The following MARCHF5 variants were observed in gnomAD, a reference collection of about 807,000 sequenced individuals.
MARCHF5 encodes the protein E3 ubiquitin-protein ligase MARCHF5.
A neutral mutation model predicts 36.5 loss-of-function variants in MARCHF5; 5 were observed. The ratio of observed to expected loss-of-function variants is 0.14; its 90% CI spans 0.07 to 0.29. The LOEUF is 0.29. Ranked by LOEUF, MARCHF5 falls within the 10% of genes least tolerant of loss-of-function variation. The probability of loss-of-function intolerance (pLI) is 1.00; values close to 1 mark genes in which losing one functional copy is unlikely to be tolerated. For synonymous variants in MARCHF5, 103 were observed against 109.9 expected (o/e 0.94, Z 0.39); for missense variants, 179 against 336.3 (o/e 0.53, Z 3.66).
rs980351111 is a variant in MARCHF5, at chr10:92,350,751, C to A, written c.721-340C>A. On this transcript the variant is annotated intron_variant, in intron 5 of 5. Transcript: ENST00000358935. ...AGTGGAATGCTGAGTTGGTCACGAT[C>A]CCTTTGGCCTTTCTTGCTCCCAACA... Among the ~76,000 whole-genome samples the A allele has an allele frequency of 2.0e-5, 3 of 152,138 alleles. No individual in the cohort carries two copies. The South Asian group carries it at 6.2e-4, about 32-fold the overall frequency.
chr10:92,294,477 G>C (rs1175930174), intron 1 of MARCHF5, among the ~76,000 whole-genome samples: 1 of 152,110 alleles, frequency 6.6e-6, no homozygotes, highest in African/African-American at 2.4e-5. Context: ...TGGCCCTACT[G>C]CAAGTTGAAC....
chr10:92,340,527 A>G, intron 2 of MARCHF5, 146 bp from the exon 3 acceptor site: 1 of 654,442 alleles, frequency 1.5e-6, no homozygotes, highest in Non-Finnish European at 2.4e-6. Flanking sequence ...AGCTATGATC[A>G]TGCCACTGCA....
chr10:92,342,068 G>T (rs1843586749), intron 3 of MARCHF5, among the ~76,000 whole-genome samples: 2 of 150,868 alleles, frequency 1.3e-5, no homozygotes, highest in Non-Finnish European at 3.0e-5. Context: ...CAAAGTGCTG[G>T]AGGTACGGGT....
intron 3 of MARCHF5, among the ~76,000 whole-genome samples, chr10:92,344,787 A>T (rs781287737): frequency 9.9e-5 from 15 of 152,120 alleles, no homozygotes; most frequent in Non-Finnish European, 1.9e-4. Context: ...AGTTGTGGGG[A>T]ACTTGAATAG....
At chr10:92,331,878 ATC>A in intron 2 of MARCHF5, among the ~76,000 whole-genome samples, 1 of 37,468 alleles carries the variant, frequency 2.7e-5, no homozygotes, top group African/African-American at 7.5e-5. Context: ...TTTATATATA[ATC>A]ATATATATGT....
chr10:92,334,146 C>T (rs1447419617), intron 2 of MARCHF5, among the ~76,000 whole-genome samples: 4 of 152,140 alleles, frequency 2.6e-5, no homozygotes, highest in African/African-American at 9.7e-5. Flanking sequence ...GCTGACATTG[C>T]GCCAGTGCAC....
intron 3 of MARCHF5, among the ~76,000 whole-genome samples, chr10:92,343,600 G>C (rs1283157625): frequency 6.6e-6 from 1 of 152,046 alleles, no homozygotes; most frequent in Admixed American, 6.6e-5. Context: ...ACAGAGTTTC[G>C]CTCTTGTTGT....
At chr10:92,331,221 T>C (rs896712490) in intron 2 of MARCHF5, among the ~76,000 whole-genome samples, 6 of 152,180 alleles carry the variant, frequency 3.9e-5, no homozygotes, top group African/African-American at 1.4e-4. Flanking sequence ...GTGACTTTTT[T>C]CAGCAAAGTT....
Position 92,291,437 on chromosome 10 carries a change from T to G in MARCHF5, c.-58T>G. ...CGCCGCCTCTCAGTGCTATTGTCCC[T>G]GGGCCTGGCCTTGAGCGGGTCCACT... On this transcript the variant is annotated 5_prime_UTR_variant, in exon 1 of 6. Transcript: ENST00000358935. 1 of 1,445,926 alleles carries G rather than the reference T, an allele frequency of 6.9e-7. No homozygotes were observed. The highest frequency in any genetic ancestry group is 2.5e-5 in the East Asian group (1 of 40,262). 89.6% of individuals were successfully genotyped at this position (1,445,926 alleles called of 1,614,324 possible).
rs1046995359 is a variant in MARCHF5 at position 92,349,265 on chromosome 10, A to G, written c.370-84A>G. The G allele has an allele frequency of 9.7e-6, 10 of 1,026,346 alleles. No homozygotes were observed. In the African/African-American group the frequency reaches 1.1e-4, roughly 12 times the overall value. The allele number at this position is 1,026,346 out of a possible 1,614,324, so 63.6% of individuals were successfully genotyped here. ...TCTGTGTATTCTTTTGAAATTAAGC[A>G]TTTTCTATTAAAAAAATAGAGCTTA... On this transcript the variant is annotated intron_variant, in intron 3 of 5. Transcript: ENST00000358935.
intron 1 of MARCHF5, among the ~76,000 whole-genome samples, chr10:92,300,656 A>G (rs1590645155): frequency 2.0e-5 from 3 of 152,304 alleles, no homozygotes; most frequent in African/African-American, 7.2e-5. Flanking sequence ...GAATAAGTGT[A>G]TAAGTACCCA....
At chr10:92,327,353 A>T (rs571662143) in intron 2 of MARCHF5, among the ~76,000 whole-genome samples, 51 of 143,022 alleles carry the variant, frequency 3.6e-4, no homozygotes, top group South Asian at 3.5e-3. Flanking sequence ...AGAGCTTTTT[A>T]AAAAAAAAAA....
intron 2 of MARCHF5, among the ~76,000 whole-genome samples, chr10:92,314,247 A>T (rs1490452402): frequency 2.0e-5 from 3 of 152,006 alleles, no homozygotes; most frequent in Non-Finnish European, 4.4e-5. Context: ...CTCTCAAATG[A>T]TATGTTCAAG....
chr10:92,291,648 G>C (rs915014363), intron 1 of MARCHF5, 119 bp downstream of exon 1: 55 of 1,391,474 alleles, frequency 4.0e-5, no homozygotes, highest in Non-Finnish European at 5.1e-5. Context: ...TCCACGGCCA[G>C]GGGGCCGTGA....
chr10:92,348,819 A>G (rs1688556648), intron 3 of MARCHF5, among the ~76,000 whole-genome samples: 1 of 152,172 alleles, frequency 6.6e-6, no homozygotes, highest in African/African-American at 2.4e-5. Context: ...TGTAGGGTAG[A>G]CACTTAGCCA....
chr10:92,296,874 C>T (rs192515030), intron 1 of MARCHF5, among the ~76,000 whole-genome samples: 5 of 152,308 alleles, frequency 3.3e-5, no homozygotes, highest in African/African-American at 7.2e-5. Flanking sequence ...CTGATAGGAG[C>T]ATGCTGTATA....
intron 1 of MARCHF5, among the ~76,000 whole-genome samples, chr10:92,295,818 G>A (rs942787167): frequency 6.6e-6 from 1 of 151,548 alleles, no homozygotes; most frequent in Non-Finnish European, 1.5e-5. Context: ...TGTAATATTT[G>A]TAGGTGGAAA....
chr10:92,351,252 T>C lies in MARCHF5; in HGVS notation c.*45T>C, dbSNP rs1843711245. ...TGCAGTTCTCTCATCCTTATGAATC[T>C]GTTGTGTTGTTTTGATTCCATCATT... On this transcript the variant is annotated 3_prime_UTR_variant, in exon 6 of 6. Coordinates refer to ENST00000358935, the MANE Select transcript of MARCHF5 (RefSeq NM_017824.5). The C allele has an allele frequency of 8.3e-7, 1 of 1,199,316 alleles. No homozygotes were observed. The allele number at this position is 1,199,316 out of a possible 1,614,324, so 74.3% of individuals were successfully genotyped here.
At chr10:92,333,162 C>G (rs897013208) in intron 2 of MARCHF5, among the ~76,000 whole-genome samples, 3 of 43,548 alleles carry the variant, frequency 6.9e-5, no homozygotes, top group African/African-American at 2.9e-4. Context: ...CTCCGTCTTG[C>G]CAAAAGAAAA....
Sources: allele counts gnomAD v4.1 joint callset (sites outside exome capture counted in the v4.1 genomes callset), GRCh38; gene constraint gnomAD v4.1.1; transcripts MANE v1.5; gene names NCBI Gene and HGNC (gene_info 2026-07-23, HGNC 2026-07-21).